The following WWTR1 variants were observed in gnomAD, a reference collection of about 807,000 sequenced individuals.
The protein encoded by WWTR1 is WW domain containing transcription regulator 1.
In WWTR1, 13 loss-of-function variants were observed where a neutral mutation model predicts 40.1. That is an observed-to-expected ratio of 0.32 (90% CI 0.21 to 0.52). The LOEUF is 0.52. Ranked by LOEUF, WWTR1 falls within the 20% of genes least tolerant of loss-of-function variation. The pLI is 0.97. For missense variants in WWTR1, 436 were observed against 523.1 expected (o/e 0.83, Z 1.63); for synonymous variants, 230 against 210.1 (o/e 1.09, Z -0.82).
chr3:149,622,274 T>C (rs1740314437), intron 2 of WWTR1, among the ~76,000 whole-genome samples: 1 of 152,146 alleles, frequency 6.6e-6, no homozygotes, highest in Non-Finnish European at 1.5e-5. Flanking sequence ...TATCAAGTTG[T>C]TGTTATTTGA....
At chr3:149,613,830 GCCACTACAC>G in intron 2 of WWTR1, among the ~76,000 whole-genome samples, 1 of 152,260 alleles carries the variant, frequency 6.6e-6, no homozygotes, top group South Asian at 2.1e-4. Context: ...AGTGGTGTGA[GCCACTACAC>G]CCAGCTGGGC....
At chr3:149,700,232 T>G (rs186514104) in intron 1 of WWTR1, among the ~76,000 whole-genome samples, 14 of 152,158 alleles carry the variant, frequency 9.2e-5, no homozygotes, top group African/African-American at 3.4e-4. Flanking sequence ...TTTGGGAGGC[T>G]GAGGTGGGAA....
At chr3:149,652,791 A>C (rs1712968501) in intron 2 of WWTR1, among the ~76,000 whole-genome samples, 1 of 152,074 alleles carries the variant, frequency 6.6e-6, no homozygotes, top group Non-Finnish European at 1.5e-5. Context: ...AGGTGCTAAA[A>C]GTTGATAAAT....
chr3:149,530,613 G>A (rs937030182), intron 4 of WWTR1, among the ~76,000 whole-genome samples: 3 of 151,510 alleles, frequency 2.0e-5, no homozygotes, highest in Admixed American at 1.3e-4. Context: ...GCTTGTGTGT[G>A]TCTAAATATA....
chr3:149,656,996 C>A lies in WWTR1; in HGVS notation c.311G>T (p.Gly104Val). Residue 104 changes from glycine (G) to valine (V), a missense_variant, in exon 2 of 7, where the codon GGT becomes GTT. By Grantham distance (109) the Gly-to-Val change is moderately radical (BLOSUM62 -3). Coordinates refer to ENST00000360632, the MANE Select transcript of WWTR1 (RefSeq NM_015472.6). ...LQLGTGAGAAGSPAQQHAHLR... is the reference protein window; with the variant it reads ...LQLGTGAGAAVSPAQQHAHLR... ...GTGCGCGTGCTGCTGCGCGGGGCTACCCGCAGCACCCGCGCCGGTGCCCAG... is the reference window on the plus strand; with the variant it reads ...GTGCGCGTGCTGCTGCGCGGGGCTAACCGCAGCACCCGCGCCGGTGCCCAG... The A allele has an allele frequency of 1.9e-6, 3 of 1,597,684 alleles. No individual in the cohort carries two copies. The highest frequency in any genetic ancestry group is 2.7e-5 in the African/African-American group (2 of 74,796).
intron 3 of WWTR1, among the ~76,000 whole-genome samples, chr3:149,545,045 G>C (rs1453753181): frequency 2.0e-5 from 3 of 152,284 alleles, no homozygotes; most frequent in South Asian, 2.1e-4. Flanking sequence ...AATAAAATCA[G>C]TTGGGCATTT....
Position 149,591,167 on chromosome 3 carries a change from C to T in WWTR1, c.432-18167G>A, listed in dbSNP as rs201517968. On this transcript the variant is annotated intron_variant, in intron 2 of 6. Coordinates refer to ENST00000360632, the MANE Select transcript of WWTR1 (RefSeq NM_015472.6). The stretch of plus-strand genomic sequence containing the variant: ...AAAAAAACATAAATACAAAGCGGAA[C>T]GCCAACTCTCCACTATGACCTAAAA... Among the ~76,000 whole-genome samples, 9 of 152,240 alleles carry T rather than the reference C, an allele frequency of 5.9e-5. No individual in the cohort carries two copies. In the East Asian group the frequency reaches 1.3e-3, roughly 23 times the overall value.
chr3:149,686,617 C>T (rs1474416765), intron 1 of WWTR1, among the ~76,000 whole-genome samples: 2 of 152,152 alleles, frequency 1.3e-5, no homozygotes, highest in Admixed American at 6.5e-5. Flanking sequence ...TCATTGACTA[C>T]ACTGGGTTAC....
chr3:149,541,229 A>G (rs972604462), intron 4 of WWTR1, among the ~76,000 whole-genome samples: 2 of 152,230 alleles, frequency 1.3e-5, no homozygotes, highest in Non-Finnish European at 2.9e-5. Flanking sequence ...AACATGGGTT[A>G]TATTAGTTTA....
intron 2 of WWTR1, among the ~76,000 whole-genome samples, chr3:149,593,228 A>G (rs570190064): frequency 6.6e-6 from 1 of 152,364 alleles, no homozygotes; most frequent in South Asian, 2.1e-4. Flanking sequence ...CGAGAAGACC[A>G]TGAAAACCAA....
rs79981993 is a variant in WWTR1, at chr3:149,527,800, A to G, written c.905+36T>C. ...TTATAGTCTAGATCACATAATAAAG[A>G]GAATAAAAATAAGTGGCCCCCAAAT... On this transcript the variant is annotated intron_variant, in intron 5 of 6. Transcript: ENST00000360632. The G allele has an allele frequency of 6.5e-4, 1,046 of 1,612,636 alleles. 7 individuals are homozygous for G. In the African/African-American group the frequency reaches 0.013, roughly 20 times the overall value.
At chr3:149,723,060 A>T (rs766140330) in intron 4 of WWTR1, among the ~76,000 whole-genome samples, 1 of 151,484 alleles carries the variant, frequency 6.6e-6, no homozygotes, top group Non-Finnish European at 1.5e-5. Context: ...TAACCAAGCC[A>T]TACATTTCCG....
At chr3:149,715,010 C>G (rs751170805) in intron 5 of WWTR1, among the ~76,000 whole-genome samples, 2 of 151,974 alleles carry the variant, frequency 1.3e-5, no homozygotes, top group Non-Finnish European at 2.9e-5. Context: ...GCTGAAAACT[C>G]GTCGGGACAC....
chr3:149,573,111 G>A, intron 2 of WWTR1, 111 bp from the exon 3 acceptor site: 1 of 1,194,288 alleles, frequency 8.4e-7, no homozygotes, highest in Non-Finnish European at 1.2e-6. Context: ...GGATCTGCTT[G>A]AGTGGTTGAT....
intron 2 of WWTR1, among the ~76,000 whole-genome samples, chr3:149,628,733 ATTTTTTTTAT>A (rs1162970518): frequency 1.5e-4 from 21 of 140,824 alleles, no homozygotes; most frequent in South Asian, 8.9e-4. Context: ...GATTCTTTTT[ATTTTTTTTAT>A]TTTATTTTAT....
intron 4 of WWTR1, 58 bp downstream of exon 4, chr3:149,542,277 C>G (rs1410457886): frequency 1.9e-6 from 3 of 1,562,974 alleles, no homozygotes; most frequent in African/African-American, 2.7e-5. Flanking sequence ...AGCTACCTAC[C>G]CATCAGCTTT....
At chr3:149,616,588 A>G (rs1739985026) in intron 2 of WWTR1, among the ~76,000 whole-genome samples, 1 of 149,726 alleles carries the variant, frequency 6.7e-6, no homozygotes, top group Non-Finnish European at 1.5e-5. Flanking sequence ...GATTACAGGG[A>G]CGTGCCACCA....
At chr3:149,641,505 T>C (rs190758092) in intron 2 of WWTR1, among the ~76,000 whole-genome samples, 5 of 152,354 alleles carry the variant, frequency 3.3e-5, no homozygotes, top group Admixed American at 1.3e-4. Flanking sequence ...AGTCCTTTAA[T>C]GGTTTTCAAC....
intron 2 of WWTR1, among the ~76,000 whole-genome samples, chr3:149,639,436 G>C (rs1712024312): frequency 6.6e-6 from 1 of 152,082 alleles, no homozygotes; most frequent in African/African-American, 2.4e-5. Context: ...TCAAACTCCT[G>C]GCCTCAAGCC....
Sources: gnomAD v4.1 joint callset for allele counts (sites outside exome capture counted in the v4.1 genomes callset) on GRCh38, gnomAD v4.1.1 for gene constraint, MANE v1.5 for transcripts, NCBI Gene and HGNC (gene_info 2026-07-23, HGNC 2026-07-21) for gene names.